The following SESN3 variants were observed in gnomAD, a reference collection of about 807,000 sequenced individuals.
SESN3 encodes the protein sestrin 3.
In SESN3, 21 loss-of-function variants were observed where a neutral mutation model predicts 55.3. That is an observed-to-expected ratio of 0.38 (90% CI 0.27 to 0.55). SESN3 has a LOEUF of 0.55. SESN3 is among the 20% of genes least tolerant of loss of function. SESN3 has a pLI of 0.76. For synonymous variants in SESN3, 181 were observed against 203.1 expected (o/e 0.89, Z 0.93); for missense variants, 408 against 604.3 (o/e 0.68, Z 3.41).
intron 1 of SESN3, among the ~76,000 whole-genome samples, chr11:95,194,710 A>G (rs540403909): frequency 1.3e-5 from 2 of 152,130 alleles, no homozygotes; most frequent in Non-Finnish European, 2.9e-5. Context: ...GGATTCCAAT[A>G]TTGGTATTTC....
In SESN3 at chr11:95,177,615, A is replaced by G. The variant is rs1052104363; in HGVS notation, c.1247+104T>C. On this transcript the variant is annotated intron_variant, in intron 8 of 9. Coordinates refer to ENST00000536441, the MANE Select transcript of SESN3 (RefSeq NM_144665.4). Reference sequence around the variant, plus strand: ...TTTTAAAATCAGAAGTCTACATGTAATATTTTCTTCCCAGAGTCATATACT... The same window carrying G: ...TTTTAAAATCAGAAGTCTACATGTAGTATTTTCTTCCCAGAGTCATATACT... 11 of 699,550 alleles carry G rather than the reference A, an allele frequency of 1.6e-5. No individual in the cohort carries two copies. The East Asian group carries it at 2.5e-4, about 16-fold the overall frequency. The allele number at this position is 699,550 out of a possible 1,614,324, so 43.3% of individuals were successfully genotyped here. A position where few individuals can be genotyped will look rare whatever the true frequency, so the allele number is the denominator to read the frequency against.
At chr11:95,212,690 TTGATA>T (rs1269965040) in intron 1 of SESN3, among the ~76,000 whole-genome samples, 3 of 152,192 alleles carry the variant, frequency 2.0e-5, no homozygotes, top group Non-Finnish European at 4.4e-5. Context: ...AAGAGAATGA[TTGATA>T]TGACAACATA....
intron 8 of SESN3, among the ~76,000 whole-genome samples, chr11:95,177,221 T>A (rs1363652614): frequency 6.6e-6 from 1 of 152,202 alleles, no homozygotes; most frequent in African/African-American, 2.4e-5. Context: ...TAGAGGTCAT[T>A]AATTTATATT....
At chr11:95,174,342 A>G (rs1859913813) in intron 9 of SESN3, among the ~76,000 whole-genome samples, 1 of 152,250 alleles carries the variant, frequency 6.6e-6, no homozygotes, top group Non-Finnish European at 1.5e-5. Flanking sequence ...GTTGATAAAG[A>G]TCCTTAACAT....
At chr11:95,184,959 C>T (rs985369312) in intron 5 of SESN3, among the ~76,000 whole-genome samples, 1 of 152,004 alleles carries the variant, frequency 6.6e-6, no homozygotes, top group Non-Finnish European at 1.5e-5. Flanking sequence ...GCATCTTATA[C>T]ATACAAGTAT....
intron 1 of SESN3, among the ~76,000 whole-genome samples, chr11:95,196,658 TTAAA>T (rs2134240175): frequency 6.6e-6 from 1 of 152,250 alleles, no homozygotes; most frequent in African/African-American, 2.4e-5. Context: ...TGAATTAAAA[TTAAA>T]TAAAGTTAAA....
intron 6 of SESN3, among the ~76,000 whole-genome samples, chr11:95,179,957 A>G (rs1860029450): frequency 1.3e-5 from 2 of 152,222 alleles, no homozygotes; most frequent in South Asian, 4.1e-4. Context: ...TCCAATGCAT[A>G]TTAATTTATG....
intron 4 of SESN3, among the ~76,000 whole-genome samples, chr11:95,188,993 T>C (rs561469475): frequency 6.6e-6 from 1 of 152,060 alleles, no homozygotes; most frequent in East Asian, 1.9e-4. Context: ...TGCAGATTGA[T>C]AAATGCTATG....
chr11:95,203,114 A>G (rs1860488695), intron 1 of SESN3, among the ~76,000 whole-genome samples: 1 of 152,160 alleles, frequency 6.6e-6, no homozygotes, highest in Non-Finnish European at 1.5e-5. Context: ...TTTTAAATCA[A>G]GCTTCCATAT....
At chr11:95,176,172 T>A (rs1031699694) in intron 8 of SESN3, among the ~76,000 whole-genome samples, 2 of 152,200 alleles carry the variant, frequency 1.3e-5, no homozygotes, top group Non-Finnish European at 2.9e-5. Flanking sequence ...TGGAAGTAGC[T>A]ATATGGAGGT....
chr11:95,173,633 T>G (rs1859897016), intron 9 of SESN3, among the ~76,000 whole-genome samples: 1 of 152,130 alleles, frequency 6.6e-6, no homozygotes, highest in Admixed American at 6.5e-5. Flanking sequence ...AAATTATAAT[T>G]TTCCTACAAA....
At chr11:95,214,823 T>C (rs1860722388) in intron 1 of SESN3, among the ~76,000 whole-genome samples, 1 of 152,160 alleles carries the variant, frequency 6.6e-6, no homozygotes, top group South Asian at 2.1e-4. Context: ...CCAATGTTAG[T>C]GCCAAAACGC....
Position 95,167,475 on chromosome 11 carries a change from C to CCATATATATAT in SESN3, c.*5779_*5780insATATATATATG, listed in dbSNP as rs563322416. The CCATATATATAT allele has an allele frequency of 2.0e-5, 3 of 150,814 alleles. 1 individual carries two copies. The highest frequency in any genetic ancestry group is 7.5e-5 in the African/African-American group (3 of 40,214). The allele number at this position is 150,814 out of a possible 1,614,324, so 9.3% of individuals were successfully genotyped here. A position where few individuals can be genotyped will look rare whatever the true frequency, so the allele number is the denominator to read the frequency against. On this transcript the variant is annotated 3_prime_UTR_variant, in exon 10 of 10. Transcript: ENST00000536441. ...TCAGATATTCATTCTGTTTCCCCCC[C>CCATATATATAT]ATATATATAATTTTTCATTCTGTAC... is the stretch of plus-strand genomic sequence containing the variant.
intron 1 of SESN3, among the ~76,000 whole-genome samples, chr11:95,207,166 A>G (rs1212347353): frequency 7.0e-6 from 1 of 143,088 alleles, no homozygotes; most frequent in Non-Finnish European, 1.6e-5. Context: ...ACTTACTTCC[A>G]AATCAAAGAA....
intron 1 of SESN3, among the ~76,000 whole-genome samples, chr11:95,216,348 A>G (rs1026966375): frequency 2.0e-5 from 3 of 152,210 alleles, no homozygotes; most frequent in Non-Finnish European, 4.4e-5. Flanking sequence ...GGAAATGGAC[A>G]GGTTAGGACT....
intron 9 of SESN3, among the ~76,000 whole-genome samples, chr11:95,174,814 T>C (rs76710922): frequency 1.3e-5 from 2 of 152,096 alleles, no homozygotes; most frequent in Non-Finnish European, 2.9e-5. Flanking sequence ...AATATTTTTT[T>C]AATTCAGATT....
Position 95,230,778 on chromosome 11 carries a change from C to G in SESN3, c.78+5G>C. On this transcript the variant is annotated splice_donor_5th_base_variant and intron_variant, in intron 1 of 9. Coordinates refer to ENST00000536441, the MANE Select transcript of SESN3 (RefSeq NM_144665.4). The surrounding 1 kb of genome is among the most constrained non-coding windows in gnomAD (Gnocchi z 4.6). ...CGCCGGCAGGACCCCGGGCCGAACC[C>G]GTACCTTCCGCAGCACTTTCCGGCA... is the stretch of plus-strand genomic sequence containing the variant. The G allele has an allele frequency of 1.2e-6, 2 of 1,603,436 alleles. No individual in the cohort carries two copies. Among genetic ancestry groups the G allele is most frequent in the Non-Finnish European group, 1.7e-6 (2 of 1,175,520 alleles).
chr11:95,167,863 C>T lies in SESN3; in HGVS notation c.*5392G>A, dbSNP rs1467409749. ...GAGAGAAGAACTATTACATCTTCTT[C>T]CTCTTTGCATTTCCTCTTCCTTCTG... On this transcript the variant is annotated 3_prime_UTR_variant, in exon 10 of 10. Transcript: ENST00000536441. 1 of 152,162 alleles carries T rather than the reference C, an allele frequency of 6.6e-6. No individual in the cohort carries two copies. The highest frequency in any genetic ancestry group is 6.6e-5 in the Admixed American group (1 of 15,264). 9.4% of individuals were successfully genotyped at this position (152,162 alleles called of 1,614,324 possible).
chr11:95,189,448 G>A (rs1395923130), intron 4 of SESN3, among the ~76,000 whole-genome samples: 1 of 151,938 alleles, frequency 6.6e-6, no homozygotes, highest in Non-Finnish European at 1.5e-5. Context: ...GAAGCCCATA[G>A]AAGTTAATTT....
Sources: allele counts gnomAD v4.1 joint callset (sites outside exome capture counted in the v4.1 genomes callset), GRCh38; gene constraint gnomAD v4.1.1; non-coding constraint Gnocchi (gnomAD v3.1); transcripts MANE v1.5; gene names NCBI Gene and HGNC (gene_info 2026-07-23, HGNC 2026-07-21).